Variants in RYR3 observed in about 807,000 individuals in gnomAD.
The protein encoded by RYR3 is ryanodine receptor 3.
RYR3 carries 207 observed loss-of-function variants against 584.3 expected under a neutral mutation model. That is an observed-to-expected ratio of 0.35 (90% confidence interval 0.32 to 0.40). The LOEUF (loss-of-function observed/expected upper bound fraction) is 0.40. Among genes scored for constraint, RYR3 ranks in the 10% least tolerant of loss-of-function variants. The pLI, the probability that RYR3 is intolerant of heterozygous loss-of-function variation, is 1.00. For missense variants in RYR3, 5,616 were observed against 6,089.2 expected (o/e 0.92, Z 2.59); for synonymous variants, 2,416 against 2,248.5 (o/e 1.07, Z -2.11).
chr15:33,536,095 A>C (rs971289711), intron 5 of RYR3, among the ~76,000 whole-genome samples: 8 of 152,220 alleles, frequency 5.3e-5, no homozygotes, highest in Non-Finnish European at 7.3e-5. Context: ...TCCTCACTGC[A>C]GGAGGAGGTT....
chr15:33,778,219 C>G (rs1006787628), intron 64 of RYR3, among the ~76,000 whole-genome samples: 1 of 151,438 alleles, frequency 6.6e-6, no homozygotes, highest in African/African-American at 2.4e-5. Flanking sequence ...TGAAATCTTA[C>G]CCCTTGTTAT....
intron 57 of RYR3, among the ~76,000 whole-genome samples, chr15:33,754,097 T>C (rs1760154598): frequency 6.6e-6 from 1 of 152,086 alleles, no homozygotes; most frequent in Non-Finnish European, 1.5e-5. Flanking sequence ...TGAGCCGAGA[T>C]CATGCCAATG....
intron 1 of RYR3, among the ~76,000 whole-genome samples, chr15:33,325,030 AATAG>A (rs1013550703): frequency 6.6e-6 from 1 of 152,220 alleles, no homozygotes; most frequent in African/African-American, 2.4e-5. Context: ...AAAAATGGAA[AATAG>A]ATATAGGACA....
intron 3 of RYR3, among the ~76,000 whole-genome samples, chr15:33,514,540 G>A (rs2053329994): frequency 6.6e-6 from 1 of 152,072 alleles, no homozygotes; most frequent in African/African-American, 2.4e-5. Context: ...ATTATTCATG[G>A]TGGAGCCATT....
chr15:33,687,545 C>G (rs966738349), intron 38 of RYR3, among the ~76,000 whole-genome samples: 3 of 152,256 alleles, frequency 2.0e-5, no homozygotes, highest in African/African-American at 7.2e-5. Context: ...ACTTTCTTCA[C>G]AGAATTGGAA....
intron 67 of RYR3, among the ~76,000 whole-genome samples, chr15:33,794,402 C>T (rs2075459582): frequency 6.8e-6 from 1 of 146,984 alleles, no homozygotes; most frequent in African/African-American, 2.5e-5. Context: ...GGAAATTGTA[C>T]TCATTTTCAC....
chr15:33,552,582 C>T (rs576294472), intron 10 of RYR3, among the ~76,000 whole-genome samples: 2 of 152,190 alleles, frequency 1.3e-5, no homozygotes, highest in Non-Finnish European at 2.9e-5. Flanking sequence ...AGTATTCAAC[C>T]TAGCTACCTT....
rs564301105 is a variant in RYR3, at chr15:33,557,093, C to A, written c.973-5744C>A. Among the ~76,000 whole-genome samples, 104 of 152,230 alleles carry A rather than the reference C, an allele frequency of 6.8e-4. 4 individuals are homozygous for A. In the South Asian group the frequency reaches 0.015, roughly 22 times the overall value. On this transcript the variant is annotated intron_variant, in intron 10 of 103. Coordinates refer to ENST00000634891, the MANE Select transcript of RYR3 (RefSeq NM_001036.6). ...AGATATTCTGTTCAAGTGAATTATA[C>A]CTGGCTTTGGAATTGTACCTGATTT...
In RYR3 at chr15:33,540,908, C is replaced by T. The variant is rs762526649; in HGVS notation, c.646+18C>T. ...CGAAGAAGGTGTGCTTCTTTAAATG[C>T]ATTTAGCCCTGAGCCTGCCTATCTC... On this transcript the variant is annotated intron_variant, in intron 7 of 103. Coordinates refer to ENST00000634891, the MANE Select transcript of RYR3 (RefSeq NM_001036.6). 33 of 1,512,294 alleles carry T rather than the reference C, an allele frequency of 2.2e-5. No homozygotes were observed. The highest frequency in any genetic ancestry group is 3.0e-5 in the Non-Finnish European group (33 of 1,087,834). 93.7% of individuals were successfully genotyped at this position (1,512,294 alleles called of 1,614,324 possible).
intron 66 of RYR3, among the ~76,000 whole-genome samples, chr15:33,786,587 C>T (rs2074732988): frequency 6.6e-6 from 1 of 151,858 alleles, no homozygotes; most frequent in South Asian, 2.1e-4. Flanking sequence ...AAAAAAAGGA[C>T]AGGCTTGGAA....
intron 36 of RYR3, among the ~76,000 whole-genome samples, chr15:33,664,958 T>C (rs2063411713): frequency 6.6e-6 from 1 of 152,158 alleles, no homozygotes; most frequent in Admixed American, 6.5e-5. Flanking sequence ...AATGAGTGGG[T>C]AAAGCTTATC....
chr15:33,370,008 C>T (rs1342692752), intron 1 of RYR3, among the ~76,000 whole-genome samples: 5 of 152,196 alleles, frequency 3.3e-5, no homozygotes, highest in Non-Finnish European at 5.9e-5. Context: ...TATGTGTTCA[C>T]TTGAATTTAA....
In RYR3 at chr15:33,748,506, CGTT is replaced by C. The variant is rs1396388454; in HGVS notation, c.8178_8180del (p.Val2727del). 2 of 1,613,086 alleles carry C rather than the reference CGTT, an allele frequency of 1.2e-6. No homozygotes were observed. The highest frequency in any genetic ancestry group is 1.7e-6 in the Non-Finnish European group (2 of 1,179,646). Reference sequence around the variant, plus strand: ...GTCCTGCTCCCCTCGACCTCTCAAACGTTGTGCTCTCCAGAGAGCTCCAGGTCA... The same window carrying C: ...GTCCTGCTCCCCTCGACCTCTCAAACGTGCTCTCCAGAGAGCTCCAGGTCA... On this transcript the variant is annotated inframe_deletion, in exon 55 of 104. Transcript: ENST00000634891.
chr15:33,689,986 G>A (rs771640271), intron 38 of RYR3, among the ~76,000 whole-genome samples: 1 of 152,162 alleles, frequency 6.6e-6, no homozygotes, highest in South Asian at 2.1e-4. Context: ...GAGGTGGCAC[G>A]ACTGGAGTTA....
intron 1 of RYR3, among the ~76,000 whole-genome samples, chr15:33,364,934 C>T (rs899470537): frequency 4.6e-5 from 7 of 152,098 alleles, no homozygotes; most frequent in Admixed American, 4.6e-4. Flanking sequence ...CACTTGCAAA[C>T]GATCTCAGGA....
chr15:33,725,973 C>A (rs867125121), intron 45 of RYR3, among the ~76,000 whole-genome samples: 4 of 23,054 alleles, frequency 1.7e-4, no homozygotes, highest in Non-Finnish European at 3.5e-4. Flanking sequence ...CCATCCCCCC[C>A]CCCAAAAAAA....
intron 5 of RYR3, among the ~76,000 whole-genome samples, chr15:33,533,818 T>A (rs2055086201): frequency 6.6e-6 from 1 of 152,228 alleles, no homozygotes. Context: ...AAAGTAGTGT[T>A]TTCCAAATGT....
At chr15:33,573,753 T>C (rs954928732) in intron 12 of RYR3, among the ~76,000 whole-genome samples, 1 of 152,200 alleles carries the variant, frequency 6.6e-6, no homozygotes, top group Non-Finnish European at 1.5e-5. Flanking sequence ...GTGATAATTG[T>C]AGTTGTTTCT....
chr15:33,524,825 C>T (rs964122512), intron 3 of RYR3, among the ~76,000 whole-genome samples: 8 of 152,048 alleles, frequency 5.3e-5, no homozygotes, highest in South Asian at 2.1e-4. Flanking sequence ...TATTCTTTGC[C>T]GACTTCTATG....
Sources: gnomAD v4.1 joint callset for allele counts (sites outside exome capture counted in the v4.1 genomes callset) on GRCh38, gnomAD v4.1.1 for gene constraint, MANE v1.5 for transcripts, NCBI Gene and HGNC (gene_info 2026-07-23, HGNC 2026-07-21) for gene names.